The following PALM2AKAP2 variants were observed in gnomAD, a reference collection of about 807,000 sequenced individuals.
PALM2AKAP2 encodes PALM2-AKAP2 fusion protein.
Under a neutral mutation model 71.5 loss-of-function variants are expected in PALM2AKAP2, and 37 were observed. That is an observed-to-expected ratio of 0.52 (90% CI 0.40 to 0.68). PALM2AKAP2 has a LOEUF of 0.68. PALM2AKAP2 is among the 30% of genes least tolerant of loss of function. The pLI, the probability that PALM2AKAP2 is intolerant of heterozygous loss-of-function variation, is 0.00. For synonymous variants in PALM2AKAP2, 468 were observed against 478.8 expected (o/e 0.98, Z 0.29); for missense variants, 1,224 against 1,191.8 (o/e 1.03, Z -0.40).
At chr9:110,169,040 T>A (rs1407677460) in exon 4 of PALM2AKAP2, 1 of 152,742 alleles carries the variant, frequency 6.5e-6, no homozygotes, top group African/African-American at 2.4e-5. Flanking sequence ...GAGGCAGTTA[T>A]GATTCCACTT....
intron 7 of PALM2AKAP2, among the ~76,000 whole-genome samples, chr9:110,038,249 G>A (rs1833447388): frequency 6.6e-6 from 1 of 152,102 alleles, no homozygotes; most frequent in Admixed American, 6.6e-5. Context: ...AGGATTGCTT[G>A]AGCCCGGCAG....
chr9:109,804,606 C>A (rs1330719517), intron 1 of PALM2AKAP2, among the ~76,000 whole-genome samples: 1 of 152,104 alleles, frequency 6.6e-6, no homozygotes, highest in African/African-American at 2.4e-5. Flanking sequence ...TCTTCTATTA[C>A]GTACACATTT....
chr9:109,757,864 G>A (rs1041048881), intron 1 of PALM2AKAP2, among the ~76,000 whole-genome samples: 9 of 152,060 alleles, frequency 5.9e-5, no homozygotes, highest in Admixed American at 3.3e-4. Flanking sequence ...AACTTTTTAT[G>A]TATTTCATTG....
rs72750847 is a variant in PALM2AKAP2 at position 109,658,296 on chromosome 9, T to C, written c.5+17430T>C. Among the ~76,000 whole-genome samples, 1,028 of 152,242 alleles carry C rather than the reference T, an allele frequency of 6.8e-3. 8 individuals are homozygous for C. The highest frequency in any genetic ancestry group is 0.011 in the Non-Finnish European group (734 of 68,022). ...TCACTTTGGTATTGAGTGTAGGTAG[T>C]ATAGACAGAGACAAGATTCAAGTTG... On this transcript the variant is annotated intron_variant, in intron 1 of 6. Transcript: ENST00000374531.
upstream of PALM2AKAP2, chr9:109,780,200 C>A: frequency 1.1e-6 from 1 of 885,400 alleles, no homozygotes; most frequent in Non-Finnish European, 1.4e-6. Context: ...CTGCCGGCGT[C>A]CCACGTCCTC....
At chr9:109,768,463 A>G (rs1241279526) in intron 1 of PALM2AKAP2, among the ~76,000 whole-genome samples, 1 of 152,222 alleles carries the variant, frequency 6.6e-6, no homozygotes, top group Non-Finnish European at 1.5e-5. Context: ...AAGTTAGGGT[A>G]TGTGAGGTAT....
chr9:110,052,725 G>T (rs1174060391), intron 1 of PALM2AKAP2, among the ~76,000 whole-genome samples: 1 of 152,144 alleles, frequency 6.6e-6, no homozygotes, highest in Non-Finnish European at 1.5e-5. Context: ...TAGCTATTCC[G>T]TCTTCTTGCC....
intron 6 of PALM2AKAP2, among the ~76,000 whole-genome samples, chr9:109,956,164 C>T (rs1156431932): frequency 6.6e-6 from 1 of 151,746 alleles, no homozygotes; most frequent in Non-Finnish European, 1.5e-5. Context: ...GCCACCATGC[C>T]AGGCTAATTT....
chr9:110,058,939 T>C (rs1833903767), intron 1 of PALM2AKAP2, among the ~76,000 whole-genome samples: 1 of 148,588 alleles, frequency 6.7e-6, no homozygotes, highest in African/African-American at 2.5e-5. Context: ...CTTACTCTGT[T>C]GCCCTGCTGG....
intron 1 of PALM2AKAP2, among the ~76,000 whole-genome samples, chr9:109,831,176 CACACACAA>C (rs760954345): frequency 0.011 from 1,163 of 108,900 alleles, 5 homozygotes; most frequent in East Asian, 0.052. Flanking sequence ...CACACACACA[CACACACAA>C]GCATAAATAG....
chr9:110,040,683 A>G (rs932268167), intron 7 of PALM2AKAP2, among the ~76,000 whole-genome samples: 1 of 152,222 alleles, frequency 6.6e-6, no homozygotes, highest in Non-Finnish European at 1.5e-5. Flanking sequence ...ACAAAAACTA[A>G]GAAATAATTT....
At chr9:109,771,700 A>G (rs1351024213) in intron 1 of PALM2AKAP2, among the ~76,000 whole-genome samples, 1 of 152,206 alleles carries the variant, frequency 6.6e-6, no homozygotes, top group Non-Finnish European at 1.5e-5. Flanking sequence ...AAATAGTGTA[A>G]GAAGGGCTCA....
chr9:110,161,513 A>G (rs1836597970), intron 3 of PALM2AKAP2, among the ~76,000 whole-genome samples: 3 of 152,180 alleles, frequency 2.0e-5, no homozygotes, highest in Admixed American at 6.5e-5. Context: ...TTGCTATCAA[A>G]GGATGATCCC....
intron 6 of PALM2AKAP2, among the ~76,000 whole-genome samples, chr9:110,002,651 T>C (rs1328540000): frequency 6.6e-6 from 1 of 152,172 alleles, no homozygotes; most frequent in African/African-American, 2.4e-5. Context: ...GCTGTGAATC[T>C]ATCTGGTCCT....
At chr9:109,844,931 ATGTGTGTGTG>A (rs71373945) in intron 1 of PALM2AKAP2, among the ~76,000 whole-genome samples, 5 of 149,414 alleles carry the variant, frequency 3.3e-5, no homozygotes, top group African/African-American at 1.2e-4. Context: ...CCAGAAAATG[ATGTGTGTGTG>A]TGTGTGTGTG....
At chr9:109,811,051 T>A (rs568750157) in intron 1 of PALM2AKAP2, among the ~76,000 whole-genome samples, 4 of 152,284 alleles carry the variant, frequency 2.6e-5, no homozygotes, top group African/African-American at 9.6e-5. Flanking sequence ...AATAATCCTC[T>A]CAGACAGTTC....
At chr9:109,968,570 C>G (rs1832001257) in intron 6 of PALM2AKAP2, among the ~76,000 whole-genome samples, 1 of 152,124 alleles carries the variant, frequency 6.6e-6, no homozygotes, top group South Asian at 2.1e-4. Flanking sequence ...TCATTGCACC[C>G]TACAAAGGGA....
chr9:109,842,670 GA>G (rs34904979), intron 1 of PALM2AKAP2, among the ~76,000 whole-genome samples: 40,002 of 148,798 alleles, frequency 0.27, 5,921 homozygotes, highest in African/African-American at 0.42. Context: ...AGTAAGATGT[GA>G]AAAAAAAAAC....
chr9:109,891,051 C>T (rs1830077910), intron 3 of PALM2AKAP2, among the ~76,000 whole-genome samples: 1 of 152,160 alleles, frequency 6.6e-6, no homozygotes, highest in Non-Finnish European at 1.5e-5. Flanking sequence ...AAGAATGTCC[C>T]CCTGGCCAGG....
Sources: allele counts gnomAD v4.1 joint callset (sites outside exome capture counted in the v4.1 genomes callset), GRCh38; gene constraint gnomAD v4.1.1; transcripts MANE v1.5; gene names NCBI Gene and HGNC (gene_info 2026-07-23, HGNC 2026-07-21).